CEP170: variants seen among roughly 807,000 people sequenced by gnomAD.
The protein encoded by CEP170 is centrosomal protein 170.
In CEP170, 21 loss-of-function variants were observed where a neutral mutation model predicts 151.9. The observed-to-expected ratio is 0.14, with a 90% CI of 0.10 to 0.20. The LOEUF (loss-of-function observed/expected upper bound fraction) is 0.20, where lower values mean the gene tolerates loss of function less well. Ranked by LOEUF, CEP170 falls within the 10% of genes least tolerant of loss-of-function variation. The probability of loss-of-function intolerance (pLI) is 1.00; values close to 1 mark genes in which losing one functional copy is unlikely to be tolerated. For synonymous variants in CEP170, 356 were observed against 648.8 expected (o/e 0.55, Z 6.86); for missense variants, 964 against 1,892.9 (o/e 0.51, Z 9.11).
intron 13 of CEP170, among the ~76,000 whole-genome samples, chr1:243,159,763 T>TTTTGTGTGTGTGTGTGTGTGTGTG (rs1553343086): frequency 3.9e-5 from 5 of 127,076 alleles, no homozygotes; most frequent in African/African-American, 6.1e-5. Flanking sequence ...GTTTCCGGTT[T>TTTTGTGTGTGTGTGTGTGTGTGTG]TGTGTGTGTG....
rs1454706577 is a variant in CEP170, at chr1:243,165,697, C to T, written c.2263G>A (p.Glu755Lys). Residue 755 changes from glutamate to lysine, a missense_variant, in exon 13 of 20, where the codon GAG becomes AAG. Coordinates refer to ENST00000366542, the MANE Select transcript of CEP170 (RefSeq NM_014812.3). ...LAKLQQQEQREEAQWTPTKLS... is the reference protein window; with the variant it reads ...LAKLQQQEQRKEAQWTPTKLS... ...TTAGTAGGTGTCCACTGAGCCTCCT[C>T]CCTTTGTTCTTGTTGTTGAAGTTTT... is the stretch of plus-strand genomic sequence containing the variant. 10 of 1,614,082 alleles carry T rather than the reference C, an allele frequency of 6.2e-6. No homozygotes were observed. The highest frequency in any genetic ancestry group is 2.2e-5 in the East Asian group (1 of 44,888).
At chr1:243,211,207 G>A (rs1384575958) in intron 4 of CEP170, 4 of 151,202 alleles carry the variant, frequency 2.6e-5, no homozygotes, top group Non-Finnish European at 4.4e-5. Flanking sequence ...TACTATGAAT[G>A]GAAATGTCTT....
At chr1:243,148,530 C>T (rs1362458267) in intron 14 of CEP170, among the ~76,000 whole-genome samples, 11 of 151,896 alleles carry the variant, frequency 7.2e-5, no homozygotes, top group Admixed American at 2.6e-4. Context: ...GCTGAGATCG[C>T]GCCACTACAC....
intron 14 of CEP170, among the ~76,000 whole-genome samples, chr1:243,142,904 G>A (rs899902203): frequency 1.3e-5 from 2 of 152,122 alleles, no homozygotes; most frequent in African/African-American, 4.8e-5. Flanking sequence ...AATCACAGTG[G>A]TATTAGCAAT....
In CEP170 at chr1:243,140,036, T is replaced by C. The variant is rs781414226; in HGVS notation, c.4131A>G (p.Pro1377=). The C allele has an allele frequency of 6.2e-7, 1 of 1,614,000 alleles. No homozygotes were observed. Among genetic ancestry groups the C allele is most frequent in the Non-Finnish European group, 8.5e-7 (1 of 1,179,882 alleles). The change falls in exon 16 of 20, where the codon CCA becomes CCG. Residue 1377 remains proline (P), a synonymous_variant. Transcript: ENST00000366542. Reference sequence around the variant, plus strand: ...CACCAGATCGACCGTTGTTTCCTTCTGGTGTTTTGGAATGAACTAATGGAG... The same window carrying C: ...CACCAGATCGACCGTTGTTTCCTTCCGGTGTTTTGGAATGAACTAATGGAG... ...KIPPLVHSKT[P]EGNNGRSGDP... is the part of the protein sequence containing the mutation.
rs1227564315 is a variant in CEP170, at chr1:243,165,974, A to C, written c.1986T>G (p.Val662=). 4 of 1,613,594 alleles carry C rather than the reference A, an allele frequency of 2.5e-6. No individual in the cohort carries two copies. The highest frequency in any genetic ancestry group is 3.4e-6 in the Non-Finnish European group (4 of 1,179,682). ...EKSLESHRAK[V]VTQRSEIGEK... is the part of the protein sequence containing the mutation. ...CTCCTATCTCTGACCTCTGTGTTACAACCTTTGCTCTGTGGCTCTCAAGAG... is the reference window on the plus strand; with the variant it reads ...CTCCTATCTCTGACCTCTGTGTTACCACCTTTGCTCTGTGGCTCTCAAGAG... The change falls in exon 13 of 20, where the codon GTT becomes GTG. Residue 662 remains valine (V), a synonymous_variant. Coordinates refer to ENST00000366542, the MANE Select transcript of CEP170 (RefSeq NM_014812.3).
At chr1:243,135,231 G>A (rs2054910445) in intron 17 of CEP170, among the ~76,000 whole-genome samples, 1 of 152,136 alleles carries the variant, frequency 6.6e-6, no homozygotes, top group Non-Finnish European at 1.5e-5. Context: ...ATTTGAGACA[G>A]AGTCTCACTC....
Position 243,191,000 on chromosome 1 carries a change from A to G in CEP170, c.1108+18T>C. Reference sequence around the variant, plus strand: ...TTTATCGTAAAGTAGGAAGTTCTGAATGATCAAATCACTTTACCTTTCAAC... The same window carrying G: ...TTTATCGTAAAGTAGGAAGTTCTGAGTGATCAAATCACTTTACCTTTCAAC... On this transcript the variant is annotated intron_variant, in intron 8 of 19. Coordinates refer to ENST00000366542, the MANE Select transcript of CEP170 (RefSeq NM_014812.3). 1 of 1,502,820 alleles carries G rather than the reference A, an allele frequency of 6.7e-7. No homozygotes were observed. 93.1% of individuals were successfully genotyped at this position (1,502,820 alleles called of 1,614,324 possible).
At chr1:243,139,444 C>T (rs2055558378) in intron 16 of CEP170, among the ~76,000 whole-genome samples, 1 of 151,978 alleles carries the variant, frequency 6.6e-6, no homozygotes, top group South Asian at 2.1e-4. Context: ...TTTATATATA[C>T]TGTATACTAA....
At chr1:243,202,927 T>C (rs529458260) in intron 4 of CEP170, among the ~76,000 whole-genome samples, 1 of 152,302 alleles carries the variant, frequency 6.6e-6, no homozygotes, top group East Asian at 1.9e-4. Context: ...TGAAGGCAAC[T>C]TCCCAGGGCT....
At chr1:243,163,581 A>G (rs1319690283) in intron 13 of CEP170, among the ~76,000 whole-genome samples, 1 of 152,254 alleles carries the variant, frequency 6.6e-6, no homozygotes, top group Non-Finnish European at 1.5e-5. Context: ...GTTAAATGAT[A>G]TAACAGCACT....
intron 14 of CEP170, among the ~76,000 whole-genome samples, chr1:243,154,252 A>G (rs2057363546): frequency 6.6e-6 from 1 of 152,292 alleles, no homozygotes; most frequent in Non-Finnish European, 1.5e-5. Flanking sequence ...TCTTTTTCAA[A>G]TAAAAGTGTC....
intron 1 of CEP170, among the ~76,000 whole-genome samples, chr1:243,229,704 T>C (rs1229957924): frequency 6.6e-6 from 1 of 152,214 alleles, no homozygotes; most frequent in African/African-American, 2.4e-5. Flanking sequence ...GATCTCATTG[T>C]TGCTTTTGAT....
chr1:243,133,132 C>G (rs1210278778), intron 17 of CEP170, among the ~76,000 whole-genome samples: 2 of 152,238 alleles, frequency 1.3e-5, no homozygotes, highest in African/African-American at 4.8e-5. Context: ...TGAGTAACTC[C>G]TCTCCTCATC....
intron 10 of CEP170, among the ~76,000 whole-genome samples, chr1:243,173,414 A>C (rs2058999360): frequency 6.6e-6 from 1 of 152,000 alleles, no homozygotes; most frequent in Admixed American, 6.6e-5. Flanking sequence ...GATTAAAAAA[A>C]AATATTCAAG....
intron 7 of CEP170, among the ~76,000 whole-genome samples, chr1:243,192,159 T>G (rs2060345308): frequency 1.3e-5 from 2 of 152,194 alleles, no homozygotes; most frequent in Admixed American, 1.3e-4. Context: ...CAAGCAGCAG[T>G]GTGAACGAAA....
At chr1:243,131,231 C>T (rs915239830) in intron 17 of CEP170, among the ~76,000 whole-genome samples, 3 of 152,134 alleles carry the variant, frequency 2.0e-5, no homozygotes, top group Admixed American at 2.0e-4. Context: ...ATAGCTCATG[C>T]CTGTAATCCT....
At chr1:243,131,577 A>G (rs2054419446) in intron 17 of CEP170, among the ~76,000 whole-genome samples, 6 of 152,082 alleles carry the variant, frequency 3.9e-5, no homozygotes, top group Admixed American at 2.6e-4. Context: ...TCATTTTGGC[A>G]TTATGAAATA....
chr1:243,205,928 AAAAG>A (rs1215876553), intron 4 of CEP170, among the ~76,000 whole-genome samples: 32 of 151,186 alleles, frequency 2.1e-4, no homozygotes, highest in African/African-American at 4.8e-5. Flanking sequence ...ACAACAAACA[AAAAG>A]AAAGAAGAAG....
Sources: allele counts gnomAD v4.1 joint callset (sites outside exome capture counted in the v4.1 genomes callset), GRCh38; gene constraint gnomAD v4.1.1; transcripts MANE v1.5; gene names NCBI Gene and HGNC (gene_info 2026-07-23, HGNC 2026-07-21).